The following PLAGL1 variants were observed in gnomAD, a reference collection of about 807,000 sequenced individuals.
The protein encoded by PLAGL1 is PLAG1 like zinc finger 1.
PLAGL1 carries 1 observed loss-of-function variant against 4.6 expected under a neutral mutation model. The observed-to-expected ratio is 0.22, with a 90% confidence interval of 0.08 to 1.03. The LOEUF (loss-of-function observed/expected upper bound fraction) is 1.03. Ranked by LOEUF, PLAGL1 falls within the 50% of genes least tolerant of loss-of-function variation. PLAGL1 has a pLI of 0.58. For missense variants in PLAGL1, 464 were observed against 570.4 expected, an observed-to-expected ratio of 0.81 and a Z score of 1.90; for synonymous variants, 240 against 237.8, an observed-to-expected ratio of 1.01 and a Z score of -0.08.
chr6:144,027,239 G>GAAAGAAAT lies in PLAGL1; in HGVS notation c.-151+37228_-151+37229insATTTCTTT, dbSNP rs200700804. On this transcript the variant is annotated intron_variant, in intron 1 of 3. Coordinates refer to the PLAGL1 transcript ENST00000437412. The surrounding 1 kb of genome is among the most constrained non-coding windows in gnomAD (Gnocchi z 5.8). ...ACCCCAACTCAAAGAACGAACGAAA[G>GAAAGAAAT]AAAGAAAGAAAGAAAGAAAGAAAGA... Among the ~76,000 whole-genome samples, 8 of 63,854 alleles carry GAAAGAAAT rather than the reference G, an allele frequency of 1.3e-4. No individual in the cohort carries two copies. Among genetic ancestry groups the GAAAGAAAT allele is most frequent in the African/African-American group, 3.8e-4 (8 of 20,944 alleles). The allele number at this position is 63,854 out of a possible 152,430, so 41.9% of individuals were successfully genotyped here. A position where few individuals can be genotyped will look rare whatever the true frequency, so the allele number is the denominator to read the frequency against.
chr6:144,033,700 T>C (rs776688272), intron 1 of PLAGL1, among the ~76,000 whole-genome samples: 4 of 152,232 alleles, frequency 2.6e-5, no homozygotes, highest in Non-Finnish European at 5.9e-5. Flanking sequence ...AGTTTAGAAC[T>C]GATCAGGTAA....
rs1294364259 is a variant in PLAGL1 at position 144,027,272 on chromosome 6, A to G, written c.-151+37196T>C. On this transcript the variant is annotated intron_variant, in intron 1 of 3. Coordinates refer to the PLAGL1 transcript ENST00000437412. This position sits in a 1 kb window ranked among gnomAD's most constrained non-coding sequence, Gnocchi z 5.8. ...GAAAGAAAGAAAGAAAGAAAGAAAG[A>G]AAGAAAGAAAGAAAGAAAGAAAGTT... 2.0e-5 allele frequency among the ~76,000 whole-genome samples: 3 copies of G among 146,400 alleles called. No homozygotes were observed. The highest frequency in any genetic ancestry group is 4.5e-5 in the Non-Finnish European group (3 of 66,044).
rs1781811318 is a variant in PLAGL1, at chr6:143,954,990, G to A, written c.-325+5479C>T. On this transcript the variant is annotated intron_variant, in intron 6 of 7. Coordinates refer to ENST00000674357, the MANE Select transcript of PLAGL1 (RefSeq NM_001317162.2). This position sits in a 1 kb window ranked among gnomAD's most constrained non-coding sequence, Gnocchi z 5.1. ...ACTAGTGCCCAGCCAAAGGGAAAGA[G>A]ACAATATGCAAGACTGGAATCATGG... Among the ~76,000 whole-genome samples, 1 of 152,190 alleles carries A rather than the reference G, an allele frequency of 6.6e-6. No individual in the cohort carries two copies.
In PLAGL1 at chr6:143,979,124, A is replaced by G. The variant is rs1402132717; in HGVS notation, c.-544+6011T>C. 6.6e-6 allele frequency among the ~76,000 whole-genome samples: 1 copy of G among 152,170 alleles called. No homozygotes were observed. Among genetic ancestry groups the G allele is most frequent in the Non-Finnish European group, 1.5e-5 (1 of 67,992 alleles). ...ACAGTTTTAAAAAATCAGTGCTAAA[A>G]ATGATATTTTTTTCATCCGTTAGCT... On this transcript the variant is annotated intron_variant, in intron 2 of 7. Coordinates refer to ENST00000674357, the MANE Select transcript of PLAGL1 (RefSeq NM_001317162.2). The surrounding 1 kb of genome is among the most constrained non-coding windows in gnomAD (Gnocchi z 4.6).
intron 1 of PLAGL1, chr6:144,007,805 TG>T (rs1794597501): frequency 6.6e-6 from 1 of 152,182 alleles, no homozygotes; most frequent in Non-Finnish European, 1.5e-5. Context: ...AGCGCCAGGT[TG>T]TAAGAATCGG....
At chr6:144,001,928 A>AT (rs1792988682) in intron 1 of PLAGL1, among the ~76,000 whole-genome samples, 1 of 152,168 alleles carries the variant, frequency 6.6e-6, no homozygotes, top group Admixed American at 6.5e-5. Context: ...ACTGTCACAG[A>AT]TTGGAGTAAA....
Position 144,063,405 on chromosome 6 carries a change from C to A in PLAGL1, c.-151+1063G>T, listed in dbSNP as rs1037382895. On this transcript the variant is annotated intron_variant, in intron 1 of 3. Transcript: ENST00000437412. This position sits in a 1 kb window ranked among gnomAD's most constrained non-coding sequence, Gnocchi z 5.7. Reference sequence around the variant, plus strand: ...CCCCGGGGCAGCTTTTACAAAAAGTCTCACGCCAGGGCTTTATCCCCTCAC... The same window carrying A: ...CCCCGGGGCAGCTTTTACAAAAAGTATCACGCCAGGGCTTTATCCCCTCAC... 6.6e-6 allele frequency among the ~76,000 whole-genome samples: 1 copy of A among 152,210 alleles called. No homozygotes were observed. Among genetic ancestry groups the A allele is most frequent in the Admixed American group, 6.5e-5 (1 of 15,288 alleles).
Position 143,957,480 on chromosome 6 carries a change from T to G in PLAGL1, c.-325+2989A>C, listed in dbSNP as rs1255197138. 2.0e-5 allele frequency among the ~76,000 whole-genome samples: 3 copies of G among 152,238 alleles called. No individual in the cohort carries two copies. The highest frequency in any genetic ancestry group is 7.2e-5 in the African/African-American group (3 of 41,470). On this transcript the variant is annotated intron_variant, in intron 6 of 7. Transcript: ENST00000674357. The surrounding 1 kb of genome is among the most constrained non-coding windows in gnomAD (Gnocchi z 4.2). ...CTCGCCTTTAGGCCCTTTTAGGGTC[T>G]GCTTCTATAGCTGATGGCGGTGATC...
intron 2 of PLAGL1, among the ~76,000 whole-genome samples, chr6:143,974,189 T>C (rs530880893): frequency 2.0e-5 from 3 of 152,358 alleles, no homozygotes; most frequent in African/African-American, 7.2e-5. Context: ...TGGAACCCTA[T>C]AACAAAATGC....
rs939776499 is a variant in PLAGL1 at position 143,957,308 on chromosome 6, G to A, written c.-325+3161C>T. Among the ~76,000 whole-genome samples, 2 of 150,280 alleles carry A rather than the reference G, an allele frequency of 1.3e-5. No homozygotes were observed. Among genetic ancestry groups the A allele is most frequent in the Non-Finnish European group, 3.0e-5 (2 of 67,374 alleles). On this transcript the variant is annotated intron_variant, in intron 6 of 7. Coordinates refer to ENST00000674357, the MANE Select transcript of PLAGL1 (RefSeq NM_001317162.2). This position sits in a 1 kb window ranked among gnomAD's most constrained non-coding sequence, Gnocchi z 4.2. ...ACTCTCAGGAGTCTGGTGGGGGGGT[G>A]AGGGGTGGAGAGCAACTCCCAAAAT... is the stretch of plus-strand genomic sequence containing the variant.
At position 143,990,841 on chromosome 6, in the gene PLAGL1, A is replaced by G. The variant is rs1202940854; in HGVS notation, c.-583-5667T>C. ...GCATTATATATCAGACACATTCCTT[A>G]GAATATCTCATTGTTTTTCATTATT... is the stretch of plus-strand genomic sequence containing the variant. On this transcript the variant is annotated intron_variant, in intron 1 of 7. Coordinates refer to ENST00000674357, the MANE Select transcript of PLAGL1 (RefSeq NM_001317162.2). This position sits in a 1 kb window ranked among gnomAD's most constrained non-coding sequence, Gnocchi z 5.4. 2.0e-5 allele frequency among the ~76,000 whole-genome samples: 3 copies of G among 152,174 alleles called. No individual in the cohort carries two copies. Among genetic ancestry groups the G allele is most frequent in the Admixed American group, 6.5e-5 (1 of 15,284 alleles).
intron 1 of PLAGL1, among the ~76,000 whole-genome samples, chr6:144,033,807 C>A (rs1797010110): frequency 6.6e-6 from 1 of 152,032 alleles, no homozygotes; most frequent in African/African-American, 2.4e-5. Flanking sequence ...ACCTTCACAT[C>A]AAAAAATTAT....
intron 1 of PLAGL1, among the ~76,000 whole-genome samples, chr6:144,025,756 G>A (rs896147600): frequency 2.0e-5 from 3 of 151,952 alleles, no homozygotes; most frequent in Non-Finnish European, 2.9e-5. Flanking sequence ...AGCTGGGTGT[G>A]GTGGCACGCA....
chr6:144,058,626 T>C (rs1015710028), intron 1 of PLAGL1, among the ~76,000 whole-genome samples: 2 of 152,186 alleles, frequency 1.3e-5, no homozygotes, highest in Non-Finnish European at 2.9e-5. Context: ...CAAAATACAA[T>C]GGTGGTACAG....
At chr6:144,019,404 G>A (rs1366969632) in intron 1 of PLAGL1, among the ~76,000 whole-genome samples, 2 of 152,022 alleles carry the variant, frequency 1.3e-5, no homozygotes, top group East Asian at 3.9e-4. Flanking sequence ...CCTGGGAGGC[G>A]GAGGTTGCAA....
In PLAGL1 at chr6:144,061,250, A is replaced by C. The variant is rs1451781908; in HGVS notation, c.-151+3218T>G. On this transcript the variant is annotated intron_variant, in intron 1 of 3. Transcript: ENST00000437412. The surrounding 1 kb of genome is among the most constrained non-coding windows in gnomAD (Gnocchi z 4.4). ...CACGCAGGACTAAATTCCAAAAGGG[A>C]GCCTCTCATTTCACTTCAGTTACCC... Among the ~76,000 whole-genome samples, 1 of 152,180 alleles carries C rather than the reference A, an allele frequency of 6.6e-6. No homozygotes were observed. The highest frequency in any genetic ancestry group is 1.9e-4 in the East Asian group (1 of 5,202).
In PLAGL1 at chr6:144,048,528, C is replaced by CCATATAGTGCA. The variant is rs1417631340; in HGVS notation, c.-151+15939_-151+15940insTGCACTATATG. On this transcript the variant is annotated intron_variant, in intron 1 of 3. Transcript: ENST00000437412. The surrounding 1 kb of genome is among the most constrained non-coding windows in gnomAD (Gnocchi z 4.8). ...TTCTTGACTTCTGTGCACCCTCAGA[C>CCATATAGTGCA]CCAACACTATATGGAAGCCTCCAAG... is the stretch of plus-strand genomic sequence containing the variant. Among the ~76,000 whole-genome samples the CCATATAGTGCA allele has an allele frequency of 1.6e-4, 25 of 152,342 alleles. No individual in the cohort carries two copies. Among genetic ancestry groups the CCATATAGTGCA allele is most frequent in the Admixed American group, 4.6e-4 (7 of 15,300 alleles).
At position 143,984,509 on chromosome 6, in the gene PLAGL1, C is replaced by T. The variant is rs140486513; in HGVS notation, c.-544+626G>A. On this transcript the variant is annotated intron_variant, in intron 2 of 7. Transcript: ENST00000674357. The surrounding 1 kb of genome is among the most constrained non-coding windows in gnomAD (Gnocchi z 5.5). ...ATGAGTATGCCAAGGTAGGTACTAT[C>T]GGGAAGACTGTATTAGAGGTGCGTG... 5.3e-5 allele frequency among the ~76,000 whole-genome samples: 8 copies of T among 151,904 alleles called. No individual in the cohort carries two copies. Among genetic ancestry groups the T allele is most frequent in the East Asian group, 1.9e-4 (1 of 5,162 alleles).
intron 2 of PLAGL1, among the ~76,000 whole-genome samples, chr6:143,977,246 T>C (rs1786793126): frequency 6.6e-6 from 1 of 152,116 alleles, no homozygotes; most frequent in Non-Finnish European, 1.5e-5. Flanking sequence ...TGAAAAAATT[T>C]ATGACAGTTC....
Sources: gnomAD v4.1 joint callset for allele counts (sites outside exome capture counted in the v4.1 genomes callset) on GRCh38, gnomAD v4.1.1 for gene constraint, Gnocchi (gnomAD v3.1) non-coding constraint, MANE v1.5 for transcripts, NCBI Gene and HGNC (gene_info 2026-07-23, HGNC 2026-07-21) for gene names.